The following PCDHGB5 variants were observed in gnomAD, a reference collection of about 807,000 sequenced individuals.
PCDHGB5 encodes the protein protocadherin gamma-B5.
A neutral mutation model predicts 62.9 loss-of-function variants in PCDHGB5; 48 were observed. The observed-to-expected ratio is 0.76, with a 90% CI of 0.61 to 0.97. PCDHGB5 has a LOEUF of 0.97. PCDHGB5 is among the 50% of genes least tolerant of loss of function. The pLI, the probability that PCDHGB5 is intolerant of heterozygous loss-of-function variation, is 0.00. For synonymous variants in PCDHGB5, 474 were observed against 511.2 expected (o/e 0.93, Z 0.98); for missense variants, 1,118 against 1,198.6 (o/e 0.93, Z 0.99).
At chr5:141,503,981 C>T (rs774655880) in intron 2 of PCDHGB5, among the ~76,000 whole-genome samples, 4 of 152,300 alleles carry the variant, frequency 2.6e-5, no homozygotes, top group East Asian at 1.9e-4. Flanking sequence ...CCAAACCCTT[C>T]TTCTTACCTT....
intron 1 of PCDHGB5, chr5:141,426,568 C>T: frequency 5.6e-6 from 2 of 354,402 alleles, no homozygotes; most frequent in Non-Finnish European, 5.6e-6. Flanking sequence ...TCGAGAGTCA[C>T]TGTCTTCAAA....
At chr5:141,505,238 G>A (rs1254100882) in intron 2 of PCDHGB5, 155 bp from the exon 3 acceptor site, 2 of 890,422 alleles carry the variant, frequency 2.2e-6, no homozygotes, top group South Asian at 5.2e-5. Context: ...GGCTTCTGAA[G>A]GATTGTAGAA....
intron 1 of PCDHGB5, chr5:141,419,553 C>T (rs2096398346): frequency 1.2e-5 from 20 of 1,611,902 alleles, no homozygotes; most frequent in Non-Finnish European, 1.4e-5. Flanking sequence ...GTGCTGTACC[C>T]TGCGCTGGGT....
In PCDHGB5 at chr5:141,431,457, T is replaced by C; in HGVS notation, c.2397+30933T>C. ...ACCGCGCGCATCCGCGTGATGGTTC[T>C]GGATGCGAACGACAACGCACCAGCG... On this transcript the variant is annotated intron_variant, in intron 1 of 3. Transcript: ENST00000617380. This position sits in a 1 kb window ranked among gnomAD's most constrained non-coding sequence, Gnocchi z 4.8. 6.2e-7 allele frequency: 1 copy of C among 1,613,818 alleles called. No homozygotes were observed. Among genetic ancestry groups the C allele is most frequent in the South Asian group, 1.1e-5 (1 of 91,088 alleles).
At chr5:141,509,805 G>A (rs150684746) in intron 3 of PCDHGB5, among the ~76,000 whole-genome samples, 2 of 152,248 alleles carry the variant, frequency 1.3e-5, no homozygotes, top group Middle Eastern at 3.4e-3. Flanking sequence ...GCTTCATAGA[G>A]CCGAGCTCTT....
chr5:141,414,334 A>G, intron 1 of PCDHGB5: 6 of 1,613,782 alleles, frequency 3.7e-6, no homozygotes, highest in Non-Finnish European at 5.1e-6. Flanking sequence ...TGGACAGGTA[A>G]CCTGTTCCAT....
chr5:141,399,519 G>T lies in PCDHGB5; in HGVS notation c.1392G>T (p.Gly464=), dbSNP rs1467117930. The change falls in exon 1 of 4, where the codon GGG becomes GGT. Residue 464 remains glycine, a synonymous_variant. Transcript: ENST00000617380. ...LVSVPENNPP[G]ASIAQVCASD... ...GTGTACCCGAAAACAACCCTCCTGGGGCCTCCATCGCGCAAGTCTGCGCCT... is the reference window on the plus strand; with the variant it reads ...GTGTACCCGAAAACAACCCTCCTGGTGCCTCCATCGCGCAAGTCTGCGCCT... 8.7e-6 allele frequency: 14 copies of T among 1,613,918 alleles called. No individual in the cohort carries two copies. Among genetic ancestry groups the T allele is most frequent in the Non-Finnish European group, 1.2e-5 (14 of 1,179,908 alleles).
Position 141,399,173 on chromosome 5 carries a change from T to C in PCDHGB5, c.1046T>C (p.Leu349Pro). 6.2e-7 allele frequency: 1 copy of C among 1,613,830 alleles called. No homozygotes were observed. The highest frequency in any genetic ancestry group is 2.2e-5 in the East Asian group (1 of 44,886). Reference protein sequence around the residue: ...NSPEVTFHSLLEMILENAVPG... With the variant: ...NSPEVTFHSLPEMILENAVPG... ...CCAGAAGTTACATTCCATTCTCTAC[T>C]TGAAATGATTCTGGAAAACGCGGTG... The change falls in exon 1 of 4, where the codon CTT (leucine) becomes CCT (proline). Residue 349 changes from leucine to proline, a missense_variant. Physicochemically the swap from Leu to Pro is moderately conservative, Grantham distance 98. Coordinates refer to ENST00000617380, the MANE Select transcript of PCDHGB5 (RefSeq NM_018925.3).
At chr5:141,501,147 G>A (rs1166199034) in intron 2 of PCDHGB5, among the ~76,000 whole-genome samples, 1 of 152,142 alleles carries the variant, frequency 6.6e-6, no homozygotes, top group Non-Finnish European at 1.5e-5. Context: ...GATTACAGGT[G>A]GGAGCCACCA....
At chr5:141,492,461 G>A (rs1218833302) in intron 1 of PCDHGB5, among the ~76,000 whole-genome samples, 1 of 152,212 alleles carries the variant, frequency 6.6e-6, no homozygotes, top group East Asian at 1.9e-4. Flanking sequence ...CGCGCCTGAG[G>A]GTCCCAGATC....
chr5:141,501,381 T>A (rs1261533671), intron 2 of PCDHGB5, among the ~76,000 whole-genome samples: 4 of 151,750 alleles, frequency 2.6e-5, no homozygotes, highest in African/African-American at 9.7e-5. Flanking sequence ...TCTTAAATCC[T>A]AGGTCCTGTC....
rs375768001 is a variant in PCDHGB5 at position 141,399,834 on chromosome 5, G to A, written c.1707G>A (p.Ala569=). ...CCGCGCTGGGTCCCGACGGCTCTGC[G>A]CTCTTCGATATGGTGCCGCGCGCTG... ...LYPALGPDGS[A]LFDMVPRAAE... The change falls in exon 1 of 4, where the codon GCG becomes GCA. Residue 569 remains alanine, a synonymous_variant. Transcript: ENST00000617380. The A allele has an allele frequency of 1.9e-6, 3 of 1,613,004 alleles. No homozygotes were observed. Among genetic ancestry groups the A allele is most frequent in the African/African-American group, 2.7e-5 (2 of 74,928 alleles).
In PCDHGB5 at chr5:141,428,115, G is replaced by T. The variant is rs753384738; in HGVS notation, c.2397+27591G>T. 5 of 1,607,062 alleles carry T rather than the reference G, an allele frequency of 3.1e-6. No homozygotes were observed. In the South Asian group the frequency reaches 5.5e-5, roughly 18 times the overall value. On this transcript the variant is annotated intron_variant, in intron 1 of 3. Coordinates refer to ENST00000617380, the MANE Select transcript of PCDHGB5 (RefSeq NM_018925.3). ...GTCCTACCACGTGCTGCAGGCCATC[G>T]AGCCCGGGCTTTTCAGCCTGGGGCT...
intron 1 of PCDHGB5, among the ~76,000 whole-genome samples, chr5:141,442,702 T>A (rs1301940560): frequency 1.3e-5 from 2 of 152,342 alleles, no homozygotes; most frequent in African/African-American, 4.8e-5. Context: ...GACAAGAGTA[T>A]CAGACATGCC....
Position 141,476,191 on chromosome 5 carries a change from C to T in PCDHGB5, c.2398-18616C>T. The T allele has an allele frequency of 6.2e-7, 1 of 1,613,860 alleles. No homozygotes were observed. The highest frequency in any genetic ancestry group is 8.5e-7 in the Non-Finnish European group (1 of 1,180,006). ...TGGGAGTTTTGCTTCTGCTTGGTGC[C>T]TTGAACAAGGCTTCCACGGTCATTC... On this transcript the variant is annotated intron_variant, in intron 1 of 3. Transcript: ENST00000617380. This position sits in a 1 kb window ranked among gnomAD's most constrained non-coding sequence, Gnocchi z 7.6.
At chr5:141,510,311 C>T (rs375516156) in intron 3 of PCDHGB5, among the ~76,000 whole-genome samples, 98 of 151,056 alleles carry the variant, frequency 6.5e-4, no homozygotes, top group African/African-American at 2.3e-3. Flanking sequence ...GAAATGGAGG[C>T]TTGGAAGAGC....
At chr5:141,419,452 G>T (rs1590172506) in intron 1 of PCDHGB5, 1 of 1,612,754 alleles carries the variant, frequency 6.2e-7, no homozygotes, top group Non-Finnish European at 8.5e-7. Flanking sequence ...TCGAGCTCAC[G>T]CTGCAGGCCC....
At chr5:141,497,691 C>T (rs2099778682) in intron 2 of PCDHGB5, among the ~76,000 whole-genome samples, 1 of 152,066 alleles carries the variant, frequency 6.6e-6, no homozygotes, top group African/African-American at 2.4e-5. Flanking sequence ...AGGTGTGCAC[C>T]ACCACACCCA....
In PCDHGB5 at chr5:141,432,716, C is replaced by G. The variant is rs1417017747; in HGVS notation, c.2397+32192C>G. ...GGCCGTCCAGGACCACGGCCAGCCC[C>G]CTCTCTCCGCCACTGTCACGCTCAC... On this transcript the variant is annotated intron_variant, in intron 1 of 3. Coordinates refer to ENST00000617380, the MANE Select transcript of PCDHGB5 (RefSeq NM_018925.3). This position sits in a 1 kb window ranked among gnomAD's most constrained non-coding sequence, Gnocchi z 6.0. 5.6e-6 allele frequency: 9 copies of G among 1,613,912 alleles called. No individual in the cohort carries two copies. Among genetic ancestry groups the G allele is most frequent in the Non-Finnish European group, 7.6e-6 (9 of 1,179,990 alleles).
Sources: gnomAD v4.1 joint callset for allele counts (sites outside exome capture counted in the v4.1 genomes callset) on GRCh38, gnomAD v4.1.1 for gene constraint, Gnocchi (gnomAD v3.1) non-coding constraint, MANE v1.5 for transcripts, NCBI Gene and HGNC (gene_info 2026-07-23, HGNC 2026-07-21) for gene names.